FAT3: variants seen among roughly 807,000 people sequenced by gnomAD.
FAT3 encodes the protein FAT atypical cadherin 3, also known as protocadherin Fat 3.
In FAT3, 95 loss-of-function variants were observed where a neutral mutation model predicts 310.2. The observed-to-expected ratio is 0.31, with a 90% CI of 0.26 to 0.36. The LOEUF is 0.36. FAT3 is among the 10% of genes least tolerant of loss of function. The probability of loss-of-function intolerance (pLI) is 1.00; values close to 1 mark genes in which losing one functional copy is unlikely to be tolerated. For synonymous variants in FAT3, 2,314 were observed against 2,192.9 expected (o/e 1.06, Z -1.54); for missense variants, 5,408 against 5,715.6 (o/e 0.95, Z 1.74).
intron 3 of FAT3, among the ~76,000 whole-genome samples, chr11:92,585,473 T>C (rs1939088143): frequency 6.6e-6 from 1 of 152,040 alleles, no homozygotes; most frequent in South Asian, 2.1e-4. Context: ...ACATCTCTTG[T>C]AGTACTAGCT....
At position 92,353,143 on chromosome 11, in the gene FAT3, C is replaced by G; in HGVS notation, c.1031C>G (p.Thr344Ser). Reference protein sequence around the residue: ...WESFPYGYNLTLQAKDKGSPQ... With the variant: ...WESFPYGYNLSLQAKDKGSPQ... ...AGCTTTCCCTATGGCTACAATCTCA[C>G]TCTTCAAGCAAAAGACAAGGGATCT... Residue 344 changes from threonine to serine, a missense_variant, in exon 2 of 28, where the codon ACT becomes AGT. Physicochemically the swap from Thr to Ser is moderately conservative, Grantham distance 58. Coordinates refer to ENST00000525166, the MANE Select transcript of FAT3 (RefSeq NM_001367949.2). 6.2e-7 allele frequency: 1 copy of G among 1,613,654 alleles called. No individual in the cohort carries two copies. Among genetic ancestry groups the G allele is most frequent in the African/African-American group, 1.3e-5 (1 of 75,010 alleles).
At chr11:92,412,402 A>ATTTTATT (rs1950294582) in intron 2 of FAT3, among the ~76,000 whole-genome samples, 1 of 101,126 alleles carries the variant, frequency 9.9e-6, no homozygotes, top group Non-Finnish European at 1.9e-5. Flanking sequence ...GACCCGGCCT[A>ATTTTATT]TTTTTTTTTT....
At chr11:92,331,570 A>T (rs1234945359) in intron 1 of FAT3, among the ~76,000 whole-genome samples, 3 of 152,196 alleles carry the variant, frequency 2.0e-5, no homozygotes, top group Admixed American at 2.0e-4. Context: ...TTTCTTACAA[A>T]GTGGCTATAA....
rs143574369 is a variant in FAT3, at chr11:92,619,339, A to G, written c.3608-78045A>G. 2.7e-3 allele frequency among the ~76,000 whole-genome samples: 413 copies of G among 152,136 alleles called. 2 individuals carry two copies. Among genetic ancestry groups the G allele is most frequent in the African/African-American group, 9.4e-3 (389 of 41,508 alleles). On this transcript the variant is annotated intron_variant, in intron 3 of 27. Coordinates refer to ENST00000525166, the MANE Select transcript of FAT3 (RefSeq NM_001367949.2). ...TGATCTTTGGTTTTCCTTTCTTGTG[A>G]TGATTTTGGTATCAGGATAAAACTG...
chr11:92,401,167 A>G (rs1309903324), intron 2 of FAT3, among the ~76,000 whole-genome samples: 1 of 152,182 alleles, frequency 6.6e-6, no homozygotes, highest in South Asian at 2.1e-4. Flanking sequence ...GGGATACTTT[A>G]CTAGTTATTT....
At chr11:92,241,262 C>T (rs1301043188) in intron 1 of FAT3, among the ~76,000 whole-genome samples, 1 of 152,100 alleles carries the variant, frequency 6.6e-6, no homozygotes, top group Admixed American at 6.6e-5. Flanking sequence ...GGGAGCTCCT[C>T]CTTGTGAGTA....
intron 3 of FAT3, among the ~76,000 whole-genome samples, chr11:92,660,655 A>C (rs888308343): frequency 6.6e-6 from 1 of 152,218 alleles, no homozygotes; most frequent in Non-Finnish European, 1.5e-5. Flanking sequence ...TGATGTCAAA[A>C]AGAAAACAGG....
chr11:92,765,268 A>G (rs779214286), intron 6 of FAT3, among the ~76,000 whole-genome samples, 179 bp downstream of exon 6: 7 of 152,306 alleles, frequency 4.6e-5, no homozygotes, highest in African/African-American at 7.2e-5. Context: ...CTTTCGTTCC[A>G]ACTCTGTAGC....
intron 3 of FAT3, among the ~76,000 whole-genome samples, chr11:92,675,735 TG>T (rs777603421): frequency 5.3e-5 from 8 of 152,188 alleles, no homozygotes; most frequent in Non-Finnish European, 8.8e-5. Flanking sequence ...TGGGTCAAAT[TG>T]AACTTAAATT....
intron 1 of FAT3, among the ~76,000 whole-genome samples, chr11:92,330,634 T>G (rs373423087): frequency 6.6e-6 from 1 of 152,172 alleles, no homozygotes; most frequent in Non-Finnish European, 1.5e-5. Context: ...TCAGCTGTAT[T>G]GCGTGGGTTT....
intron 2 of FAT3, among the ~76,000 whole-genome samples, chr11:92,398,374 G>A (rs1949930141): frequency 6.6e-6 from 1 of 151,894 alleles, no homozygotes; most frequent in African/African-American, 2.4e-5. Flanking sequence ...GGTGGTGCAT[G>A]CCTGTAATCC....
At chr11:92,671,053 T>G (rs948075536) in intron 3 of FAT3, among the ~76,000 whole-genome samples, 5 of 147,924 alleles carry the variant, frequency 3.4e-5, no homozygotes, top group African/African-American at 7.5e-5. Flanking sequence ...TTGTTTTTTG[T>G]TTTTTTTTTA....
intron 2 of FAT3, among the ~76,000 whole-genome samples, chr11:92,363,956 T>C (rs1324604396): frequency 6.6e-6 from 1 of 152,152 alleles, no homozygotes; most frequent in Non-Finnish European, 1.5e-5. Context: ...TATTACTCTT[T>C]TCAGCAGGTG....
intron 1 of FAT3, among the ~76,000 whole-genome samples, chr11:92,301,002 C>G (rs1181385060): frequency 6.6e-6 from 1 of 152,064 alleles, no homozygotes; most frequent in East Asian, 1.9e-4. Context: ...TGCCACTGAC[C>G]TTTCATGGAG....
intron 1 of FAT3, among the ~76,000 whole-genome samples, chr11:92,249,707 T>A (rs1048184404): frequency 2.0e-5 from 3 of 152,094 alleles, no homozygotes; most frequent in Non-Finnish European, 4.4e-5. Context: ...AGTGTCATTA[T>A]GAAGAAATAG....
In FAT3 at chr11:92,689,626, C is replaced by T. The variant is rs376436537; in HGVS notation, c.3608-7758C>T. Among the ~76,000 whole-genome samples, 10 of 152,072 alleles carry T rather than the reference C, an allele frequency of 6.6e-5. No individual in the cohort carries two copies. The East Asian group carries it at 9.6e-4, about 15-fold the overall frequency. On this transcript the variant is annotated intron_variant, in intron 3 of 27. Coordinates refer to ENST00000525166, the MANE Select transcript of FAT3 (RefSeq NM_001367949.2). ...CAGTTGGGAGGAAGAACCATGAAGA[C>T]TGGTGATGAGGAGAGGAATTGATGG... is the stretch of plus-strand genomic sequence containing the variant.
chr11:92,261,211 TAAG>T (rs1865539989), intron 1 of FAT3, among the ~76,000 whole-genome samples: 2 of 151,902 alleles, frequency 1.3e-5, no homozygotes, highest in South Asian at 4.2e-4. Context: ...TTTTAGAACA[TAAG>T]GAGGAATTCA....
chr11:92,787,878 A>G (rs1946936534), intron 7 of FAT3, among the ~76,000 whole-genome samples: 1 of 152,170 alleles, frequency 6.6e-6, no homozygotes, highest in South Asian at 2.1e-4. Flanking sequence ...GAAAAAGGAG[A>G]TACCAATGTA....
intron 1 of FAT3, among the ~76,000 whole-genome samples, chr11:92,245,253 A>G (rs955186318): frequency 1.3e-5 from 2 of 151,828 alleles, no homozygotes; most frequent in Admixed American, 1.3e-4. Context: ...AGAAAACCAA[A>G]CATCGCATGT....
Sources: gnomAD v4.1 joint callset for allele counts (sites outside exome capture counted in the v4.1 genomes callset) on GRCh38, gnomAD v4.1.1 for gene constraint, MANE v1.5 for transcripts, NCBI Gene and HGNC (gene_info 2026-07-23, HGNC 2026-07-21) for gene names.